TCTN2: variants seen among roughly 807,000 people sequenced by gnomAD.
The protein encoded by TCTN2 is tectonic family member 2.
TCTN2 carries 66 observed loss-of-function variants against 83.4 expected under a neutral mutation model. That is an observed-to-expected ratio of 0.79 (90% CI 0.65 to 0.97). The LOEUF (loss-of-function observed/expected upper bound fraction) is 0.97. TCTN2 is among the 50% of genes least tolerant of loss of function. The pLI, the probability that TCTN2 is intolerant of heterozygous loss-of-function variation, is 0.00. For synonymous variants in TCTN2, 301 were observed against 326.7 expected (o/e 0.92, Z 0.85); for missense variants, 794 against 858.1 (o/e 0.93, Z 0.93).
chr12:123,689,494 A>G (rs1041375711), intron 7 of TCTN2, among the ~76,000 whole-genome samples: 1 of 152,124 alleles, frequency 6.6e-6, no homozygotes, highest in East Asian at 1.9e-4. Flanking sequence ...AGTAACTATC[A>G]TTCTTTGCTT....
chr12:123,695,132 AATGCAATTTTAAGGTAAACAC>A lies in TCTN2; in HGVS notation c.1235-87_1235-67del. Reference sequence around the variant, plus strand: ...AACGAGAGTACACTTTGTATGACAAAATGCAATTTTAAGGTAAACACTATGGAGAATAATTTCTTTTCCTAG... The same window carrying A: ...AACGAGAGTACACTTTGTATGACAAATATGGAGAATAATTTCTTTTCCTAG... On this transcript the variant is annotated intron_variant, in intron 10 of 17. Coordinates refer to ENST00000303372, the MANE Select transcript of TCTN2 (RefSeq NM_024809.5). The A allele has an allele frequency of 2.1e-6, 3 of 1,408,514 alleles. No individual in the cohort carries two copies. In the South Asian group the frequency reaches 3.5e-5, roughly 17 times the overall value. The allele number at this position is 1,408,514 out of a possible 1,614,324, so 87.3% of individuals were successfully genotyped here.
chr12:123,693,725 G>A (rs900647520), intron 9 of TCTN2, among the ~76,000 whole-genome samples: 86 of 151,516 alleles, frequency 5.7e-4, no homozygotes, highest in Non-Finnish European at 1.0e-3. Context: ...AAGTGCAGGG[G>A]TTACAGGCGT....
At chr12:123,695,093 T>A in intron 10 of TCTN2, 117 bp downstream of exon 10, 1 of 1,465,592 alleles carries the variant, frequency 6.8e-7, no homozygotes, top group Non-Finnish European at 9.5e-7. Context: ...CTTATGTGCA[T>A]TTATGATTTA....
Position 123,671,341 on chromosome 12 carries a change from T to G in TCTN2, c.82+19T>G. 6.2e-7 allele frequency: 1 copy of G among 1,612,766 alleles called. No homozygotes were observed. The highest frequency in any genetic ancestry group is 1.3e-5 in the African/African-American group (1 of 74,990). On this transcript the variant is annotated intron_variant, in intron 1 of 17. Coordinates refer to ENST00000303372, the MANE Select transcript of TCTN2 (RefSeq NM_024809.5). ...GACCTGGGTGTGTACGGCGCGGCAG[T>G]GACCTCGGTGGGCCGGGGCTGAGGG...
chr12:123,701,658 G>A (rs1956174167), intron 14 of TCTN2, among the ~76,000 whole-genome samples: 1 of 151,862 alleles, frequency 6.6e-6, no homozygotes, highest in Non-Finnish European at 1.5e-5. Context: ...CAGGAGAATG[G>A]TAGGAACCCG....
chr12:123,695,227 G>T lies in TCTN2; in HGVS notation c.1242G>T (p.Met414Ile). The T allele has an allele frequency of 1.3e-6, 2 of 1,563,096 alleles. No homozygotes were observed. Among genetic ancestry groups the T allele is most frequent in the South Asian group, 2.2e-5 (2 of 89,870 alleles). The change falls in exon 11 of 18, where the codon ATG (methionine) becomes ATT (isoleucine). Residue 414 changes from methionine (M) to isoleucine (I), a missense_variant. Met to Ile is a conservative substitution (Grantham distance 10). Coordinates refer to ENST00000303372, the MANE Select transcript of TCTN2 (RefSeq NM_024809.5). ...AEINAHQKGI[M>I]TQRFVVKFLS... ...ATTTTGTTTTATTTCTAGGGATAATGACACAGAGATTTGTAGTAAAATTTT... is the reference window on the plus strand; with the variant it reads ...ATTTTGTTTTATTTCTAGGGATAATTACACAGAGATTTGTAGTAAAATTTT...
In TCTN2 at chr12:123,679,286, C is replaced by T. The variant is rs1165010046; in HGVS notation, c.561C>T (p.Asp187=). Residue 187 remains aspartate (D), a synonymous_variant, in exon 5 of 18, where the codon GAC becomes GAT. Coordinates refer to ENST00000303372, the MANE Select transcript of TCTN2 (RefSeq NM_024809.5). ...CCTGTGATGTTCGCTGCTGCTGTGA[C>T]CAGGTATGTTCTTTGGTTATTGGGC... ...AGACDVRCCC[D]QECSSNLTTL... 1.2e-6 allele frequency: 2 copies of T among 1,613,700 alleles called. No individual in the cohort carries two copies. Among genetic ancestry groups the T allele is most frequent in the Non-Finnish European group, 1.7e-6 (2 of 1,179,706 alleles).
chr12:123,672,632 G>A (rs1367613685), intron 3 of TCTN2, among the ~76,000 whole-genome samples: 1 of 151,918 alleles, frequency 6.6e-6, no homozygotes, highest in Non-Finnish European at 1.5e-5. Flanking sequence ...TACTTGGAGG[G>A]GGGTGGGGTA....
At chr12:123,704,227 G>A (rs1276175109) in intron 14 of TCTN2, among the ~76,000 whole-genome samples, 1 of 152,040 alleles carries the variant, frequency 6.6e-6, no homozygotes, top group Admixed American at 6.6e-5. Context: ...GAATGGTCTC[G>A]ATCTCTTGAC....
intron 4 of TCTN2, among the ~76,000 whole-genome samples, chr12:123,676,437 G>A (rs1439194713): frequency 1.3e-5 from 2 of 151,604 alleles, no homozygotes; most frequent in East Asian, 1.9e-4. Flanking sequence ...GTATGGTGGC[G>A]GGTGCCTGGA....
chr12:123,692,680 C>A lies in TCTN2; in HGVS notation c.1056C>A (p.Ile352=). 6.2e-7 allele frequency: 1 copy of A among 1,613,628 alleles called. No individual in the cohort carries two copies. The highest frequency in any genetic ancestry group is 8.5e-7 in the Non-Finnish European group (1 of 1,179,584). The change falls in exon 9 of 18, where the codon ATC becomes ATA. Residue 352 remains isoleucine, a synonymous_variant. Transcript: ENST00000303372. ...ALGGIVTPKV[I]YEEATDLDKF... ...TAGGCATAGTTACACCAAAAGTGAT[C>A]TATGAGGAAGCAACTGACCTAGACA...
chr12:123,704,795 C>T, intron 15 of TCTN2, 107 bp downstream of exon 15: 6 of 1,276,678 alleles, frequency 4.7e-6, no homozygotes, highest in Middle Eastern at 2.3e-4. Context: ...TTATTTACAA[C>T]TTGCAATTAT....
intron 8 of TCTN2, among the ~76,000 whole-genome samples, chr12:123,691,663 C>T (rs1244782835): frequency 6.6e-6 from 1 of 151,508 alleles, no homozygotes; most frequent in African/African-American, 2.4e-5. Context: ...GGGTAGACAC[C>T]TAGGAGTGGA....
At chr12:123,689,594 C>G (rs1461818994) in intron 7 of TCTN2, among the ~76,000 whole-genome samples, 1 of 152,050 alleles carries the variant, frequency 6.6e-6, no homozygotes, top group East Asian at 1.9e-4. Flanking sequence ...TTTTGTTGTA[C>G]AGATTATTTG....
rs763505614 is a variant in TCTN2 at position 123,699,771 on chromosome 12, G to A, written c.1573G>A (p.Asp525Asn). The part of the protein sequence containing the change: ...ATHVAMRGNS[D>N]YADLSDGWLE... ...TCACGTTGCAATGAGAGGCAACTCC[G>A]ATTACGCTGATCTTAGTGATGGCTG... Residue 525 changes from aspartate to asparagine, a missense_variant, in exon 14 of 18, where the codon GAT becomes AAT. Transcript: ENST00000303372. 8 of 1,614,016 alleles carry A rather than the reference G, an allele frequency of 5.0e-6. No individual in the cohort carries two copies. Among genetic ancestry groups the A allele is most frequent in the African/African-American group, 4.0e-5 (3 of 74,928 alleles).
chr12:123,704,543 C>T lies in TCTN2; in HGVS notation c.1624C>T (p.Pro542Ser). 1 of 1,610,940 alleles carries T rather than the reference C, an allele frequency of 6.2e-7. No homozygotes were observed. Reference protein sequence around the residue: ...GWLEIIRVDAPDPGADPLASS... With the variant: ...GWLEIIRVDASDPGADPLASS... The stretch of plus-strand genomic sequence containing the variant: ...TAACATTTCTATAGGTGTAGATGCC[C>T]CTGATCCAGGTGCAGACCCGCTGGC... Residue 542 changes from proline to serine, a missense_variant, in exon 15 of 18, where the codon CCT becomes TCT. Pro to Ser is a moderately conservative substitution (Grantham distance 74, BLOSUM62 -1). Coordinates refer to ENST00000303372, the MANE Select transcript of TCTN2 (RefSeq NM_024809.5).
At chr12:123,694,731 G>A in intron 9 of TCTN2, 111 bp from the exon 10 acceptor site, 6 of 1,125,278 alleles carry the variant, frequency 5.3e-6, no homozygotes, top group Non-Finnish European at 8.0e-6. Context: ...GAGATAGGGA[G>A]GGCAGGGGCA....
intron 13 of TCTN2, among the ~76,000 whole-genome samples, chr12:123,699,123 G>GA (rs1167168805): frequency 6.6e-6 from 1 of 151,620 alleles, no homozygotes; most frequent in Non-Finnish European, 1.5e-5. Flanking sequence ...CAGAGTTTGT[G>GA]AACCATGTGA....
At position 123,694,049 on chromosome 12, in the gene TCTN2, A is replaced by G. The variant is rs188136716; in HGVS notation, c.1100-793A>G. On this transcript the variant is annotated intron_variant, in intron 9 of 17. Coordinates refer to ENST00000303372, the MANE Select transcript of TCTN2 (RefSeq NM_024809.5). ...CTCACTGTCACCCAGACTGGAGTGT[A>G]GTGACACAGTCTCCACTCACTGCAA... Among the ~76,000 whole-genome samples the G allele has an allele frequency of 4.0e-5, 6 of 149,584 alleles. No individual in the cohort carries two copies. In the East Asian group the frequency reaches 1.2e-3, roughly 30 times the overall value.
Sources: allele counts gnomAD v4.1 joint callset (sites outside exome capture counted in the v4.1 genomes callset), GRCh38; gene constraint gnomAD v4.1.1; transcripts MANE v1.5; gene names NCBI Gene and HGNC (gene_info 2026-07-23, HGNC 2026-07-21).